Variants in RIMBP2 observed in about 807,000 individuals in gnomAD.
RIMBP2 encodes RIMS binding protein 2.
RIMBP2 carries 48 observed loss-of-function variants against 118.6 expected under a neutral mutation model. The observed-to-expected ratio is 0.40, with a 90% CI of 0.32 to 0.51. The LOEUF (loss-of-function observed/expected upper bound fraction) is 0.51. Ranked by LOEUF, RIMBP2 falls within the 20% of genes least tolerant of loss-of-function variation. The pLI is 0.41. For synonymous variants in RIMBP2, 762 were observed against 742.9 expected (o/e 1.03, Z -0.42); for missense variants, 1,551 against 1,768.3 (o/e 0.88, Z 2.20).
At position 130,446,279 on chromosome 12, in the gene RIMBP2, T is replaced by TC. The variant is rs2078516444; in HGVS notation, c.582-1011dup. Among the ~76,000 whole-genome samples the TC allele has an allele frequency of 6.6e-6, 1 of 152,262 alleles. No individual in the cohort carries two copies. Among genetic ancestry groups the TC allele is most frequent in the Non-Finnish European group, 1.5e-5 (1 of 68,050 alleles). On this transcript the variant is annotated intron_variant, in intron 9 of 22. Coordinates refer to ENST00000690449, the MANE Select transcript of RIMBP2 (RefSeq NM_001393629.1). This position sits in a 1 kb window ranked among gnomAD's most constrained non-coding sequence, Gnocchi z 4.1. ...ATTATAATTATGATATGAAAATGAT[T>TC]CATGCATCAGTGGCACTGTGCAGTT...
At chr12:130,445,101 T>G in intron 10 of RIMBP2, 59 bp downstream of exon 10, 1 of 1,085,146 alleles carries the variant, frequency 9.2e-7, no homozygotes, top group Non-Finnish European at 1.3e-6. Flanking sequence ...CTGGAAGAGG[T>G]GGTCTGCGGG....
At chr12:130,438,965 CCCCGCCCGCCCCTCATCCT>C (rs2077772560) in intron 11 of RIMBP2, among the ~76,000 whole-genome samples, 1 of 151,952 alleles carries the variant, frequency 6.6e-6, no homozygotes, top group African/African-American at 2.4e-5. Flanking sequence ...CCCCTCATCC[CCCCGCCCGCCCCTCATCCT>C]CTCACCTTTT....
rs188959375 is a variant in RIMBP2, at chr12:130,478,370, C to T, written c.102+542G>A. Reference sequence around the variant, plus strand: ...AGAATCAAACCACCATGATCCTTTTCGCTGACATCACACGGCGCCTGGTGT... The same window carrying T: ...AGAATCAAACCACCATGATCCTTTTTGCTGACATCACACGGCGCCTGGTGT... On this transcript the variant is annotated intron_variant, in intron 5 of 22. Transcript: ENST00000690449. Among the ~76,000 whole-genome samples, 59 of 152,322 alleles carry T rather than the reference C, an allele frequency of 3.9e-4. No homozygotes were observed. The East Asian group carries it at 6.4e-3, about 16-fold the overall frequency.
intron 2 of RIMBP2, among the ~76,000 whole-genome samples, chr12:130,616,932 G>A (rs1594055959): frequency 6.6e-6 from 1 of 152,320 alleles, no homozygotes; most frequent in East Asian, 1.9e-4. Flanking sequence ...GACTGCTTGT[G>A]TGGGCTGTGG....
chr12:130,599,574 C>T (rs2059753612), intron 2 of RIMBP2, among the ~76,000 whole-genome samples: 1 of 152,158 alleles, frequency 6.6e-6, no homozygotes, highest in South Asian at 2.1e-4. Flanking sequence ...CCATGACTTA[C>T]CCATTAAACT....
chr12:130,503,232 C>A (rs1334419190), intron 4 of RIMBP2, among the ~76,000 whole-genome samples: 3 of 145,618 alleles, frequency 2.1e-5, no homozygotes, highest in Admixed American at 6.8e-5. Context: ...ACTAAAAATA[C>A]AAAAAAAAAA....
intron 6 of RIMBP2, among the ~76,000 whole-genome samples, chr12:130,457,376 G>A (rs2079546660): frequency 6.6e-6 from 1 of 152,174 alleles, no homozygotes; most frequent in African/African-American, 2.4e-5. Context: ...CAGGAAAGGG[G>A]TAGCCCAGCA....
At chr12:130,483,372 A>G (rs1411171140) in intron 4 of RIMBP2, among the ~76,000 whole-genome samples, 1 of 152,250 alleles carries the variant, frequency 6.6e-6, no homozygotes, top group African/African-American at 2.4e-5. Context: ...AAATGCACGC[A>G]CCTACTATGC....
At chr12:130,465,486 C>G (rs891981098) in intron 6 of RIMBP2, 3 of 152,524 alleles carry the variant, frequency 2.0e-5, no homozygotes, top group Admixed American at 6.5e-5. Flanking sequence ...CACATGGTGA[C>G]AAGCACACCA....
rs10708660 is a variant in RIMBP2 at position 130,681,533 on chromosome 12, A to AT, written c.-352+34688dup. 2.9e-3 allele frequency among the ~76,000 whole-genome samples: 437 copies of AT among 151,580 alleles called. 3 individuals are homozygous for AT. The highest frequency in any genetic ancestry group is 0.01 in the African/African-American group (419 of 41,272). On this transcript the variant is annotated intron_variant, in intron 1 of 22. Transcript: ENST00000690449. ...GTAACCTCTATTCTACTTTTTGTTG[A>AT]TTTTTTTTAAAAAAATCAATCTCAT...
chr12:130,640,415 C>T (rs1033268812), intron 1 of RIMBP2, among the ~76,000 whole-genome samples: 1 of 152,186 alleles, frequency 6.6e-6, no homozygotes, highest in African/African-American at 2.4e-5. Context: ...TCTTTATTTT[C>T]AAACCGAAGT....
chr12:130,412,602 T>C lies in RIMBP2; in HGVS notation c.3589+17A>G, dbSNP rs1565993487. 2 of 1,610,262 alleles carry C rather than the reference T, an allele frequency of 1.2e-6. No homozygotes were observed. The highest frequency in any genetic ancestry group is 2.2e-5 in the East Asian group (1 of 44,800). ...GATAAAATGCACAGGGAAGGTCGAATAGGGGTTTGCGCTTACCTATTTTCT... is the reference window on the plus strand; with the variant it reads ...GATAAAATGCACAGGGAAGGTCGAACAGGGGTTTGCGCTTACCTATTTTCT... On this transcript the variant is annotated intron_variant, in intron 19 of 22. Transcript: ENST00000690449.
intron 11 of RIMBP2, among the ~76,000 whole-genome samples, chr12:130,441,408 A>AATAATCATAATAATC (rs763616136): frequency 1.1e-5 from 1 of 87,134 alleles, no homozygotes; most frequent in Non-Finnish European, 2.7e-5. Flanking sequence ...CTCAAATAAT[A>AATAATCATAATAATC]ATAATAATAA....
chr12:130,434,890 A>G lies in RIMBP2; in HGVS notation c.2107-10T>C. On this transcript the variant is annotated splice_polypyrimidine_tract_variant and intron_variant, in intron 13 of 22. Coordinates refer to ENST00000690449, the MANE Select transcript of RIMBP2 (RefSeq NM_001393629.1). The surrounding 1 kb of genome is among the most constrained non-coding windows in gnomAD (Gnocchi z 5.7). ...CGCTCCTTTTCTCTAACTTGGAAAGAAAAAGGAGGCACACGGGTGAGGCAG... is the reference window on the plus strand; with the variant it reads ...CGCTCCTTTTCTCTAACTTGGAAAGGAAAAGGAGGCACACGGGTGAGGCAG... The G allele has an allele frequency of 1.3e-6, 2 of 1,599,590 alleles. No individual in the cohort carries two copies. Among genetic ancestry groups the G allele is most frequent in the Non-Finnish European group, 1.7e-6 (2 of 1,172,818 alleles).
intron 2 of RIMBP2, among the ~76,000 whole-genome samples, chr12:130,519,218 A>C (rs984521539): frequency 6.6e-6 from 1 of 152,240 alleles, no homozygotes; most frequent in Non-Finnish European, 1.5e-5. Context: ...TCAGAAAAGC[A>C]GCAAGAAATC....
Position 130,521,273 on chromosome 12 carries a change from A to G in RIMBP2, c.-216-3356T>C, listed in dbSNP as rs138637411. Reference sequence around the variant, plus strand: ...CTGAAGAAATTTTGCAGGAATACCAAGAAATGCAGATCACCTATGTGCTGG... The same window carrying G: ...CTGAAGAAATTTTGCAGGAATACCAGGAAATGCAGATCACCTATGTGCTGG... On this transcript the variant is annotated intron_variant, in intron 2 of 22. Coordinates refer to ENST00000690449, the MANE Select transcript of RIMBP2 (RefSeq NM_001393629.1). Among the ~76,000 whole-genome samples the G allele has an allele frequency of 1.7e-4, 26 of 152,332 alleles. No homozygotes were observed. In the East Asian group the frequency reaches 5.0e-3, roughly 29 times the overall value.
In RIMBP2 at chr12:130,543,164, A is replaced by C. The variant is rs74685552; in HGVS notation, c.-216-25247T>G. ...AAAGATGACTCTAACTTTCTTCTCC[A>C]TGGACAGTGTACTTGAATGGCATTT... is the stretch of plus-strand genomic sequence containing the variant. On this transcript the variant is annotated intron_variant, in intron 2 of 22. Coordinates refer to ENST00000690449, the MANE Select transcript of RIMBP2 (RefSeq NM_001393629.1). Among the ~76,000 whole-genome samples, 1,336 of 152,298 alleles carry C rather than the reference A, an allele frequency of 8.8e-3. 24 individuals are homozygous for C. Among genetic ancestry groups the C allele is most frequent in the African/African-American group, 0.03 (1,267 of 41,568 alleles).
chr12:130,529,578 C>T (rs895924037), intron 2 of RIMBP2, among the ~76,000 whole-genome samples: 1 of 152,102 alleles, frequency 6.6e-6, no homozygotes, highest in African/African-American at 2.4e-5. Flanking sequence ...GTACTAAATG[C>T]CACTGAATTG....
rs760979945 is a variant in RIMBP2 at position 130,428,210 on chromosome 12, C to G, written c.2381G>C (p.Arg794Pro). Residue 794 changes from arginine (R) to proline (P), a missense_variant, in exon 15 of 23, where the codon CGG becomes CCG. Physicochemically the swap from Arg to Pro is moderately radical, Grantham distance 103. Around this residue, in one of 5 missense-constraint regions of RIMBP2, gnomAD observed 1,038 missense variants for 1,125.1 expected, o/e 0.92. Coordinates refer to ENST00000690449, the MANE Select transcript of RIMBP2 (RefSeq NM_001393629.1). Reference sequence around the variant, plus strand: ...GGCATTGTGGGACGTGCCGCTGGGCCGCCTCCTTCCCCCATCTTCCAGCTG... The same window carrying G: ...GGCATTGTGGGACGTGCCGCTGGGCGGCCTCCTTCCCCCATCTTCCAGCTG... ...EMQLEDGGRR[R>P]PSGTSHNALK... 1 of 1,612,756 alleles carries G rather than the reference C, an allele frequency of 6.2e-7. No homozygotes were observed. The highest frequency in any genetic ancestry group is 8.5e-7 in the Non-Finnish European group (1 of 1,179,466).
Sources: gnomAD v4.1 joint callset for allele counts (sites outside exome capture counted in the v4.1 genomes callset) on GRCh38, gnomAD v4.1.1 for gene constraint, gnomAD v4.1.1 regional missense constraint, Gnocchi (gnomAD v3.1) non-coding constraint, MANE v1.5 for transcripts, NCBI Gene and HGNC (gene_info 2026-07-23, HGNC 2026-07-21) for gene names.